MERTK: variants seen among roughly 807,000 people sequenced by gnomAD.
MERTK encodes the protein tyrosine-protein kinase Mer.
In MERTK, 69 loss-of-function variants were observed where a neutral mutation model predicts 99.3. The observed-to-expected ratio is 0.70, with a 90% CI of 0.57 to 0.85. MERTK has a LOEUF of 0.85. MERTK is among the 40% of genes least tolerant of loss of function. MERTK has a pLI of 0.00. For missense variants in MERTK, 1,125 were observed against 1,249.4 expected (o/e 0.90, Z 1.50); for synonymous variants, 426 against 467.6 (o/e 0.91, Z 1.15).
chr2:111,965,904 TATG>T (rs1413154733), intron 5 of MERTK, among the ~76,000 whole-genome samples: 2 of 152,212 alleles, frequency 1.3e-5, no homozygotes, highest in African/African-American at 2.4e-5. Context: ...GGCCGTGAGT[TATG>T]ATAATAGAAT....
At position 112,028,370 on chromosome 2, in the gene MERTK, T is replaced by A; in HGVS notation, c.2506T>A (p.Cys836Ser). The change falls in exon 19 of 19, where the codon TGC becomes AGC. Residue 836 changes from cysteine (C) to serine (S), a missense_variant. Physicochemically the swap from Cys to Ser is moderately radical, Grantham distance 112 (BLOSUM62 -1). Transcript: ENST00000295408. ...LDELYEIMYS[C>S]WRTDPLDRPT... is the part of the protein sequence containing the mutation. The stretch of plus-strand genomic sequence containing the variant: ...TTTCAGGTATGAAATAATGTACTCT[T>A]GCTGGAGAACCGATCCCTTAGACCG... 6.2e-7 allele frequency: 1 copy of A among 1,614,220 alleles called. No individual in the cohort carries two copies.
At chr2:111,971,180 G>C (rs1676112235) in intron 6 of MERTK, among the ~76,000 whole-genome samples, 1 of 151,880 alleles carries the variant, frequency 6.6e-6, no homozygotes, top group Middle Eastern at 3.4e-3. Flanking sequence ...TTTCATTCCA[G>C]GTTTTAGTAA....
chr2:111,929,688 A>T, intron 2 of MERTK, 148 bp downstream of exon 2: 1 of 554,194 alleles, frequency 1.8e-6, no homozygotes, highest in South Asian at 4.4e-5. Flanking sequence ...CTGAGTTCAA[A>T]CGATTCTCCT....
intron 15 of MERTK, among the ~76,000 whole-genome samples, chr2:112,013,784 C>T (rs1677156571): frequency 6.6e-6 from 1 of 150,400 alleles, no homozygotes; most frequent in Non-Finnish European, 1.5e-5. Context: ...CACATCATTT[C>T]AGTGGGTTTT....
chr2:111,957,322 CCAACT>C (rs912668422), intron 4 of MERTK, among the ~76,000 whole-genome samples: 7 of 151,914 alleles, frequency 4.6e-5, no homozygotes, highest in African/African-American at 1.7e-4. Flanking sequence ...GGTTTTCTAC[CCAACT>C]CAGAGAAAAA....
chr2:111,944,474 T>C (rs1684921440), intron 2 of MERTK, among the ~76,000 whole-genome samples: 1 of 270 alleles, frequency 3.7e-3, no homozygotes, highest in Non-Finnish European at 7.6e-3. Flanking sequence ...AACTCCTAAA[T>C]TATTTATTAA....
chr2:111,962,756 C>A (rs1685274129), intron 4 of MERTK, among the ~76,000 whole-genome samples: 1 of 152,164 alleles, frequency 6.6e-6, no homozygotes, highest in Non-Finnish European at 1.5e-5. Flanking sequence ...CAGGACACCA[C>A]ATTGCATTTA....
At chr2:111,938,640 G>A (rs576802155) in intron 2 of MERTK, among the ~76,000 whole-genome samples, 1 of 152,300 alleles carries the variant, frequency 6.6e-6, no homozygotes, top group East Asian at 1.9e-4. Context: ...GGTGGTTCCT[G>A]TCTAGACACC....
intron 7 of MERTK, among the ~76,000 whole-genome samples, chr2:111,977,080 A>T (rs1324416990): frequency 6.6e-6 from 1 of 152,178 alleles, no homozygotes; most frequent in African/African-American, 2.4e-5. Context: ...CAGGAAAAAC[A>T]CATGTTTATG....
intron 4 of MERTK, among the ~76,000 whole-genome samples, chr2:111,960,270 C>T (rs1320811403): frequency 1.3e-5 from 2 of 151,950 alleles, no homozygotes; most frequent in Non-Finnish European, 2.9e-5. Flanking sequence ...CACCTGAGGT[C>T]AGGAGTTCAA....
rs560423756 is a variant in MERTK, at chr2:111,914,685, T to G, written c.62-14435T>G. On this transcript the variant is annotated intron_variant, in intron 1 of 18. Transcript: ENST00000295408. ...TTTTTATTTTTTTAGTCTGTTAGTA[T>G]GCTGGATGACATTGTCTGATTTTCA... is the stretch of plus-strand genomic sequence containing the variant. Among the ~76,000 whole-genome samples, 47 of 152,348 alleles carry G rather than the reference T, an allele frequency of 3.1e-4. 1 individual carries two copies. The highest frequency in any genetic ancestry group is 1.1e-3 in the African/African-American group (45 of 41,578).
intron 6 of MERTK, among the ~76,000 whole-genome samples, chr2:111,974,392 AAGT>A (rs1270454169): frequency 2.0e-5 from 3 of 151,830 alleles, no homozygotes; most frequent in African/African-American, 7.3e-5. Context: ...ATCTCAAAAA[AAGT>A]AGTAATAATA....
At chr2:111,945,688 G>C (rs543024929) in intron 3 of MERTK, among the ~76,000 whole-genome samples, 1 of 152,372 alleles carries the variant, frequency 6.6e-6, no homozygotes, top group Admixed American at 6.5e-5. Context: ...AATGGGCAAT[G>C]TGAGCTGATG....
chr2:112,022,227 G>T (rs746607612), intron 17 of MERTK, 31 bp from the exon 18 acceptor site: 1 of 1,614,174 alleles, frequency 6.2e-7, no homozygotes, highest in Non-Finnish European at 8.5e-7. Flanking sequence ...GGAAAGGCTT[G>T]CATCCTAACT....
intron 1 of MERTK, among the ~76,000 whole-genome samples, chr2:111,904,821 A>T (rs914618171): frequency 5.9e-5 from 9 of 152,158 alleles, no homozygotes; most frequent in Non-Finnish European, 1.3e-4. Flanking sequence ...CTTGTAGGAA[A>T]TGCAAAGGGC....
rs372908695 is a variant in MERTK, at chr2:111,949,752, A to G, written c.757+2185A>G. On this transcript the variant is annotated intron_variant, in intron 4 of 18. Transcript: ENST00000295408. Reference sequence around the variant, plus strand: ...TCATGATCCCTTCCAGTGGGTCACCATCTCCCATAGGCAATTCTGTTCTTA... The same window carrying G: ...TCATGATCCCTTCCAGTGGGTCACCGTCTCCCATAGGCAATTCTGTTCTTA... 1.3e-4 allele frequency among the ~76,000 whole-genome samples: 20 copies of G among 152,256 alleles called. No individual in the cohort carries two copies. In the East Asian group the frequency reaches 3.3e-3, roughly 25 times the overall value.
intron 2 of MERTK, among the ~76,000 whole-genome samples, chr2:111,944,514 T>C (rs1684924363): frequency 6.6e-6 from 1 of 152,310 alleles, no homozygotes; most frequent in Non-Finnish European, 1.5e-5. Context: ...TTAAAATAAT[T>C]CCTCTGTTTT....
chr2:112,019,431 C>G lies in MERTK; in HGVS notation c.2098C>G (p.Leu700Val). The G allele has an allele frequency of 6.2e-7, 1 of 1,612,308 alleles. No homozygotes were observed. The highest frequency in any genetic ancestry group is 8.5e-7 in the Non-Finnish European group (1 of 1,178,428). ...TGPKHIPLQT[L>V]LKFMVDIALG... Reference sequence around the variant, plus strand: ...CATCTAGCATATTCCTCTGCAGACACTATTGAAGTTCATGGTGGATATTGC... The same window carrying G: ...CATCTAGCATATTCCTCTGCAGACAGTATTGAAGTTCATGGTGGATATTGC... Residue 700 changes from leucine to valine, a missense_variant, in exon 16 of 19, where the codon CTA (leucine) becomes GTA (valine). Transcript: ENST00000295408.
At chr2:111,961,580 A>G (rs1427497287) in intron 4 of MERTK, among the ~76,000 whole-genome samples, 5 of 152,132 alleles carry the variant, frequency 3.3e-5, no homozygotes, top group African/African-American at 1.2e-4. Context: ...TCCTCTCCAT[A>G]ATACCATGTT....
Sources: allele counts gnomAD v4.1 joint callset (sites outside exome capture counted in the v4.1 genomes callset), GRCh38; gene constraint gnomAD v4.1.1; transcripts MANE v1.5; gene names NCBI Gene and HGNC (gene_info 2026-07-23, HGNC 2026-07-21).